LYN: variants seen among roughly 807,000 people sequenced by gnomAD.
LYN encodes LYN proto-oncogene, Src family tyrosine kinase, also known as tyrosine-protein kinase Lyn.
A neutral mutation model predicts 65.0 loss-of-function variants in LYN; 12 were observed. That is an observed-to-expected ratio of 0.18 (90% confidence interval 0.12 to 0.30). The LOEUF (loss-of-function observed/expected upper bound fraction) is 0.30, where lower values mean the gene tolerates loss of function less well. LYN is among the 10% of genes least tolerant of loss of function. The pLI is 1.00. For synonymous variants in LYN, 222 were observed against 221.2 expected (o/e 1.00, Z -0.03); for missense variants, 380 against 623.2 (o/e 0.61, Z 4.16).
chr8:55,948,169 T>C (rs2130487623), intron 4 of LYN, among the ~76,000 whole-genome samples: 1 of 152,254 alleles, frequency 6.6e-6, no homozygotes, highest in African/African-American at 2.4e-5. Context: ...AGATGGGATC[T>C]TGTTATGTTG....
chr8:56,001,206 G>A (rs763789317), intron 12 of LYN, among the ~76,000 whole-genome samples: 2 of 152,172 alleles, frequency 1.3e-5, no homozygotes, highest in African/African-American at 2.4e-5. Flanking sequence ...GGAGGCCAGC[G>A]TGGTTTGGGC....
rs908276339 is a variant in LYN, at chr8:56,010,980, A to C, written c.*870A>C. 1.3e-5 allele frequency: 3 copies of C among 232,338 alleles called. No individual in the cohort carries two copies. The highest frequency in any genetic ancestry group is 1.1e-4 in the Admixed American group (2 of 17,754). The allele number at this position is 232,338 out of a possible 1,614,324, so 14.4% of individuals were successfully genotyped here. On this transcript the variant is annotated 3_prime_UTR_variant, in exon 13 of 13. Coordinates refer to ENST00000519728, the MANE Select transcript of LYN (RefSeq NM_002350.4). ...TGTAGTTTGGAAGAACTAAGATTCTAATCTCTGAAGAACCTTATAGGGCCT... is the reference window on the plus strand; with the variant it reads ...TGTAGTTTGGAAGAACTAAGATTCTCATCTCTGAAGAACCTTATAGGGCCT...
chr8:55,977,825 G>A (rs944470787), intron 10 of LYN, among the ~76,000 whole-genome samples: 5 of 151,850 alleles, frequency 3.3e-5, no homozygotes, highest in Non-Finnish European at 5.9e-5. Flanking sequence ...AGGCTGAGAC[G>A]AGAGGATTGA....
chr8:55,913,213 CA>C (rs1391726493), intron 1 of LYN, among the ~76,000 whole-genome samples: 1 of 152,112 alleles, frequency 6.6e-6, no homozygotes, highest in Non-Finnish European at 1.5e-5. Context: ...AAGATTTTAC[CA>C]AATAATTCAC....
intron 4 of LYN, 54 bp from the exon 5 acceptor site, chr8:55,950,405 A>G: frequency 9.1e-7 from 1 of 1,102,832 alleles, no homozygotes. Context: ...ATTTTGATAC[A>G]TGCATGGAGT....
chr8:55,932,434 T>G (rs1806299066), intron 1 of LYN, among the ~76,000 whole-genome samples: 1 of 152,164 alleles, frequency 6.6e-6, no homozygotes, highest in African/African-American at 2.4e-5. Flanking sequence ...TGTTTTTGTT[T>G]TTTTTTAGAT....
chr8:55,938,736 A>G (rs1307562848), intron 1 of LYN, among the ~76,000 whole-genome samples: 9 of 152,192 alleles, frequency 5.9e-5, no homozygotes, highest in Admixed American at 5.9e-4. Context: ...TTTGTTTGGC[A>G]TTGTTAATAA....
At chr8:55,895,038 TC>T (rs1805055504) in intron 1 of LYN, among the ~76,000 whole-genome samples, 1 of 152,080 alleles carries the variant, frequency 6.6e-6, no homozygotes, top group African/African-American at 2.4e-5. Flanking sequence ...GGTCTTGAAC[TC>T]CTGGTCTCAA....
At position 55,941,890 on chromosome 8, in the gene LYN, A is replaced by G. The variant is rs1806621966; in HGVS notation, c.31A>G (p.Ser11Gly). ...ATGTATAAAATCAAAAGGGAAAGAC[A>G]GCTTGAGTGACGATGGAGTAGATTT... MGCIKSKGKD[S>G]LSDDGVDLKT... The change falls in exon 2 of 13, where the codon AGC (serine) becomes GGC (glycine). Residue 11 changes from serine (S) to glycine (G), a missense_variant. Physicochemically the swap from Ser to Gly is moderately conservative, Grantham distance 56 (BLOSUM62 0). Transcript: ENST00000519728. The G allele has an allele frequency of 6.2e-7, 1 of 1,613,004 alleles. No individual in the cohort carries two copies.
In LYN at chr8:56,003,928, C is replaced by CTT. The variant is rs1213079280; in HGVS notation, c.1336+4399_1336+4400dup. On this transcript the variant is annotated intron_variant, in intron 12 of 12. Transcript: ENST00000519728. Reference sequence around the variant, plus strand: ...TGATATTGTTATTAAATATTTTATTCTTTTTTTTTTTTTTTTTTTTTGAGA... The same window carrying CTT: ...TGATATTGTTATTAAATATTTTATTCTTTTTTTTTTTTTTTTTTTTTTTGAGA... Among the ~76,000 whole-genome samples, 349 of 104,666 alleles carry CTT rather than the reference C, an allele frequency of 3.3e-3. 1 individual carries two copies. The highest frequency in any genetic ancestry group is 0.013 in the Middle Eastern group (2 of 150). The allele number at this position is 104,666 out of a possible 152,430, so 68.7% of individuals were successfully genotyped here.
At chr8:55,913,009 A>G (rs905717566) in intron 1 of LYN, among the ~76,000 whole-genome samples, 2 of 152,218 alleles carry the variant, frequency 1.3e-5, no homozygotes, top group African/African-American at 4.8e-5. Flanking sequence ...CTTATTAAAA[A>G]TGACAAGTGA....
At chr8:55,957,859 G>C (rs140215306) in intron 8 of LYN, among the ~76,000 whole-genome samples, 24 of 152,212 alleles carry the variant, frequency 1.6e-4, no homozygotes, top group African/African-American at 4.8e-4. Flanking sequence ...GAGGTGGGAG[G>C]ATCGCTTGAG....
In LYN at chr8:55,913,751, C is replaced by G. The variant is rs76874815; in HGVS notation, c.-5-28104C>G. ...TGTAGTTTTGTCTGGGGATTCGGCA[C>G]AGTTTTTATGGAGGATGTGGTCTGT... On this transcript the variant is annotated intron_variant, in intron 1 of 12. Transcript: ENST00000519728. Among the ~76,000 whole-genome samples, 1,145 of 152,192 alleles carry G rather than the reference C, an allele frequency of 7.5e-3. 14 individuals carry two copies. Among genetic ancestry groups the G allele is most frequent in the African/African-American group, 0.026 (1,071 of 41,514 alleles).
In LYN at chr8:56,013,221, T is replaced by C. The variant is rs1270504748; in HGVS notation, c.*3111T>C. ...TCGAGGGCACTGAAAGCATCATAAGTATAAACTCATCTCCACGTCAGCTTG... is the reference window on the plus strand; with the variant it reads ...TCGAGGGCACTGAAAGCATCATAAGCATAAACTCATCTCCACGTCAGCTTG... On this transcript the variant is annotated 3_prime_UTR_variant, in exon 13 of 13. Transcript: ENST00000519728. 1 of 151,854 alleles carries C rather than the reference T, an allele frequency of 6.6e-6. No individual in the cohort carries two copies. The highest frequency in any genetic ancestry group is 1.5e-5 in the Non-Finnish European group (1 of 68,054). The allele number at this position is 151,854 out of a possible 1,614,324, so 9.4% of individuals were successfully genotyped here.
chr8:55,939,023 A>G (rs1386048314), intron 1 of LYN, among the ~76,000 whole-genome samples: 1 of 152,250 alleles, frequency 6.6e-6, no homozygotes, highest in Non-Finnish European at 1.5e-5. Context: ...GGTGGAAATC[A>G]TTGTAAAGTG....
chr8:55,926,348 C>T (rs938062291), intron 1 of LYN, among the ~76,000 whole-genome samples: 5 of 152,174 alleles, frequency 3.3e-5, no homozygotes, highest in African/African-American at 9.7e-5. Context: ...GATTAGTAAA[C>T]GCTGATAAAG....
At chr8:55,960,319 T>G (rs1293976802) in intron 8 of LYN, among the ~76,000 whole-genome samples, 2 of 152,148 alleles carry the variant, frequency 1.3e-5, no homozygotes, top group Non-Finnish European at 2.9e-5. Flanking sequence ...CACCGTTCAT[T>G]TTTTAATTGT....
chr8:55,930,401 A>G (rs1437566359), intron 1 of LYN, among the ~76,000 whole-genome samples: 1 of 152,186 alleles, frequency 6.6e-6, no homozygotes, highest in African/African-American at 2.4e-5. Flanking sequence ...ATTTCTGAAT[A>G]TGGGTGGCTG....
chr8:55,988,886 A>T (rs879470448), intron 10 of LYN, among the ~76,000 whole-genome samples: 1 of 152,070 alleles, frequency 6.6e-6, no homozygotes, highest in African/African-American at 2.4e-5. Flanking sequence ...AAGTGAAAAA[A>T]AAAAACCCAA....
Sources: allele counts gnomAD v4.1 joint callset (sites outside exome capture counted in the v4.1 genomes callset), GRCh38; gene constraint gnomAD v4.1.1; transcripts MANE v1.5; gene names NCBI Gene and HGNC (gene_info 2026-07-23, HGNC 2026-07-21).